The following TMCC3 variants were observed in gnomAD, a reference collection of about 807,000 sequenced individuals.
TMCC3 encodes the protein transmembrane and coiled-coil domain family 3.
A neutral mutation model predicts 40.2 loss-of-function variants in TMCC3; 28 were observed. The observed-to-expected ratio is 0.70, with a 90% CI of 0.52 to 0.95. TMCC3 has a LOEUF of 0.95. Ranked by LOEUF, TMCC3 falls within the 40% of genes least tolerant of loss-of-function variation. The pLI is 0.00. For missense variants in TMCC3, 554 were observed against 615.2 expected, an observed-to-expected ratio of 0.90 and a Z score of 1.05; for synonymous variants, 255 against 248.5, an observed-to-expected ratio of 1.03 and a Z score of -0.25.
chr12:94,590,260 ATTT>A (rs72186655), intron 1 of TMCC3, among the ~76,000 whole-genome samples: 22 of 85,362 alleles, frequency 2.6e-4, no homozygotes, highest in African/African-American at 9.3e-4. Context: ...CGCCCTGCTA[ATTT>A]TTTTTTTTTT....
chr12:94,618,897 T>C (rs1275321828), intron 1 of TMCC3, among the ~76,000 whole-genome samples: 2 of 152,180 alleles, frequency 1.3e-5, no homozygotes, highest in African/African-American at 4.8e-5. Context: ...TTGTCGTGTC[T>C]ACAAGATGCT....
At chr12:94,583,558 T>C (rs1162314543) in intron 1 of TMCC3, among the ~76,000 whole-genome samples, 2 of 152,098 alleles carry the variant, frequency 1.3e-5, no homozygotes, top group Non-Finnish European at 2.9e-5. Context: ...ATAAAATAGT[T>C]TTCTCACTCA....
intron 1 of TMCC3, among the ~76,000 whole-genome samples, chr12:94,645,716 G>A (rs1393651050): frequency 1.3e-5 from 2 of 152,194 alleles, no homozygotes; most frequent in African/African-American, 4.8e-5. Flanking sequence ...TAGAATTACA[G>A]GCATGAGCCA....
intron 1 of TMCC3, among the ~76,000 whole-genome samples, chr12:94,632,294 T>C (rs942042358): frequency 2.0e-5 from 3 of 152,246 alleles, no homozygotes; most frequent in East Asian, 1.9e-4. Flanking sequence ...TTTTACTGTA[T>C]GTAAATTTAT....
At chr12:94,609,907 G>C (rs1168885216) in intron 1 of TMCC3, 1 of 152,180 alleles carries the variant, frequency 6.6e-6, no homozygotes, top group African/African-American at 2.4e-5. Context: ...TATTAGGAAG[G>C]AAAACATTTT....
intron 1 of TMCC3, among the ~76,000 whole-genome samples, chr12:94,611,246 G>A (rs2138859518): frequency 6.6e-6 from 1 of 152,232 alleles, no homozygotes; most frequent in East Asian, 1.9e-4. Context: ...ATAAAACCAT[G>A]GCTTAAAAGG....
rs10696282 is a variant in TMCC3, at chr12:94,614,097, G to GAAAAA, written c.79-31564_79-31560dup. Reference sequence around the variant, plus strand: ...GCGACAGAGTGAGACTCCATCTCCAGAAAAAAAAAAAAAAAAAAACTATGG... The same window carrying GAAAAA: ...GCGACAGAGTGAGACTCCATCTCCAGAAAAAAAAAAAAAAAAAAAAAAAACTATGG... On this transcript the variant is annotated intron_variant, in intron 1 of 3. Coordinates refer to ENST00000261226, the MANE Select transcript of TMCC3 (RefSeq NM_020698.4). 5.1e-5 allele frequency among the ~76,000 whole-genome samples: 5 copies of GAAAAA among 98,502 alleles called. 1 individual carries two copies. The highest frequency in any genetic ancestry group is 3.8e-4 in the Admixed American group (3 of 7,924). The allele number at this position is 98,502 out of a possible 152,430, so 64.6% of individuals were successfully genotyped here.
intron 1 of TMCC3, among the ~76,000 whole-genome samples, chr12:94,604,108 T>G (rs1018140124): frequency 2.6e-5 from 4 of 152,244 alleles, no homozygotes; most frequent in African/African-American, 9.6e-5. Context: ...ATCTGTGGTT[T>G]AACTGAATAC....
chr12:94,605,951 TACTA>T (rs1268130809), intron 1 of TMCC3, among the ~76,000 whole-genome samples: 1 of 152,014 alleles, frequency 6.6e-6, no homozygotes, highest in Non-Finnish European at 1.5e-5. Flanking sequence ...TCAAACCAGG[TACTA>T]ACTATGACTA....
chr12:94,597,124 C>CATACATACATATATATATATATATAT (rs1491316794), intron 1 of TMCC3, among the ~76,000 whole-genome samples: 12 of 29,790 alleles, frequency 4.0e-4, no homozygotes, highest in Non-Finnish European at 7.7e-4. Context: ...TATTAAAATA[C>CATACATACATATATATATATATATAT]ATATATATAT....
At chr12:94,624,388 A>G (rs2068891543) in intron 1 of TMCC3, among the ~76,000 whole-genome samples, 1 of 152,182 alleles carries the variant, frequency 6.6e-6, no homozygotes, top group African/African-American at 2.4e-5. Context: ...CCAAATGTCC[A>G]CCAAATGTCA....
chr12:94,598,877 G>T, intron 1 of TMCC3: 1 of 671,682 alleles, frequency 1.5e-6, no homozygotes, highest in Non-Finnish European at 1.8e-6. Context: ...ACCCTTCTTA[G>T]AACCTAAGTC....
chr12:94,623,281 G>C (rs2651968), intron 1 of TMCC3, among the ~76,000 whole-genome samples: 5 of 152,158 alleles, frequency 3.3e-5, no homozygotes, highest in Non-Finnish European at 7.3e-5. Context: ...CTACTTAAGG[G>C]AAGAGAATTA....
chr12:94,594,922 G>A (rs922252551), intron 1 of TMCC3, among the ~76,000 whole-genome samples: 2 of 152,160 alleles, frequency 1.3e-5, no homozygotes, highest in Non-Finnish European at 1.5e-5. Context: ...CAGCCTGAAC[G>A]AACTCTATCA....
intron 1 of TMCC3, among the ~76,000 whole-genome samples, chr12:94,591,663 C>G (rs12824007): frequency 0.63 from 96,213 of 151,994 alleles, 30,496 homozygotes; most frequent in Admixed American, 0.66. Flanking sequence ...GGTTGAGGCA[C>G]GAGGGTCAAG....
At chr12:94,589,123 A>C (rs905954608) in intron 1 of TMCC3, among the ~76,000 whole-genome samples, 21 of 125,038 alleles carry the variant, frequency 1.7e-4, no homozygotes, top group African/African-American at 6.0e-4. Flanking sequence ...ACGCCTGGCC[A>C]GTATGAGGTT....
chr12:94,598,461 G>T, intron 1 of TMCC3: 1 of 377,338 alleles, frequency 2.7e-6, no homozygotes, highest in Non-Finnish European at 3.7e-6. Context: ...GTGCCACGAG[G>T]CAATTACTGG....
At chr12:94,572,224 T>A (rs968881978) in intron 3 of TMCC3, among the ~76,000 whole-genome samples, 7 of 151,766 alleles carry the variant, frequency 4.6e-5, no homozygotes, top group Admixed American at 4.6e-4. Flanking sequence ...GGTCTCGATC[T>A]CCTGACCTCG....
At chr12:94,582,985 TTTTTTTTTTA>T (rs1396101637) in intron 1 of TMCC3, among the ~76,000 whole-genome samples, 427 of 25,086 alleles carry the variant, frequency 0.017, 7 homozygotes, top group African/African-American at 0.14. Context: ...TTTTTTTTTT[TTTTTTTTTTA>T]AAAAAGAAAG....
Sources: gnomAD v4.1 joint callset for allele counts (sites outside exome capture counted in the v4.1 genomes callset) on GRCh38, gnomAD v4.1.1 for gene constraint, MANE v1.5 for transcripts, NCBI Gene and HGNC (gene_info 2026-07-23, HGNC 2026-07-21) for gene names.